Variants in RALGAPA1 observed in about 807,000 individuals in gnomAD.
RALGAPA1 encodes Ral GTPase activating protein catalytic subunit alpha 1, also known as ral GTPase-activating protein subunit alpha-1.
A neutral mutation model predicts 269.6 loss-of-function variants in RALGAPA1; 52 were observed. The observed-to-expected ratio is 0.19, with a 90% confidence interval of 0.15 to 0.24. The LOEUF is 0.24. Ranked by LOEUF, RALGAPA1 falls within the 10% of genes least tolerant of loss-of-function variation. RALGAPA1 has a pLI of 1.00. For missense variants in RALGAPA1, 1,917 were observed against 3,013.9 expected (o/e 0.64, Z 8.52); for synonymous variants, 817 against 1,008.3 (o/e 0.81, Z 3.60).
chr14:35,625,150 C>CAAAAA (rs35013388), intron 35 of RALGAPA1, among the ~76,000 whole-genome samples: 9 of 59,880 alleles, frequency 1.5e-4, no homozygotes, highest in East Asian at 4.3e-4. Flanking sequence ...GACTCTGTCT[C>CAAAAA]AAAAAAAAAA....
intron 15 of RALGAPA1, among the ~76,000 whole-genome samples, chr14:35,722,187 T>A (rs925344766): frequency 3.3e-5 from 5 of 152,170 alleles, no homozygotes; most frequent in African/African-American, 1.2e-4. Context: ...GATTACTAAA[T>A]CTCTAATCTG....
chr14:35,694,292 C>A (rs974128825), intron 17 of RALGAPA1, among the ~76,000 whole-genome samples: 3 of 152,010 alleles, frequency 2.0e-5, no homozygotes, highest in African/African-American at 7.2e-5. Context: ...TTTTTATGGT[C>A]CCTAAATTCA....
At chr14:35,752,673 C>T (rs1237941803) in intron 7 of RALGAPA1, among the ~76,000 whole-genome samples, 3 of 151,936 alleles carry the variant, frequency 2.0e-5, no homozygotes, top group Non-Finnish European at 4.4e-5. Context: ...GAAAGAGATA[C>T]AGCAGTATAA....
chr14:35,753,565 C>T (rs2072918080), intron 7 of RALGAPA1, among the ~76,000 whole-genome samples: 1 of 152,034 alleles, frequency 6.6e-6, no homozygotes, highest in Non-Finnish European at 1.5e-5. Context: ...AAAACATTTG[C>T]TAAGTAAAAG....
chr14:35,748,415 T>C (rs2072340527), intron 10 of RALGAPA1, 170 bp downstream of exon 10: 3 of 554,052 alleles, frequency 5.4e-6, no homozygotes, highest in South Asian at 6.4e-5. Context: ...GGTCTCTCCA[T>C]GTTGTCCAAA....
At chr14:35,714,715 C>T (rs2068656508) in intron 16 of RALGAPA1, among the ~76,000 whole-genome samples, 1 of 152,144 alleles carries the variant, frequency 6.6e-6, no homozygotes, top group Non-Finnish European at 1.5e-5. Flanking sequence ...GATCATTTAT[C>T]CTTCTTGCAT....
chr14:35,647,942 C>T (rs939251137), intron 31 of RALGAPA1, among the ~76,000 whole-genome samples: 3 of 149,642 alleles, frequency 2.0e-5, no homozygotes, highest in South Asian at 4.2e-4. Context: ...AGCGAAACTC[C>T]GTCTCTAAAT....
chr14:35,543,023 A>C lies in RALGAPA1; in HGVS notation c.*24-3333T>G, dbSNP rs766584962. Among the ~76,000 whole-genome samples, 261 of 152,206 alleles carry C rather than the reference A, an allele frequency of 1.7e-3. 3 individuals are homozygous for C. Among genetic ancestry groups the C allele is most frequent in the Non-Finnish European group, 2.6e-3 (178 of 68,024 alleles). Reference sequence around the variant, plus strand: ...ATTATTGGGCAGATATAGCCCTATAAAATATTATATCTTTAAAAGCAATTT... The same window carrying C: ...ATTATTGGGCAGATATAGCCCTATACAATATTATATCTTTAAAAGCAATTT... On this transcript the variant is annotated intron_variant, in intron 41 of 41. Transcript: ENST00000680220.
At chr14:35,785,489 A>T (rs893892540) in intron 1 of RALGAPA1, among the ~76,000 whole-genome samples, 15 of 152,336 alleles carry the variant, frequency 9.8e-5, no homozygotes, top group Non-Finnish European at 1.8e-4. Flanking sequence ...GGAAAATCCT[A>T]TTATACTGGG....
At chr14:35,766,154 T>A (rs1012477577) in intron 4 of RALGAPA1, 23 of 907,406 alleles carry the variant, frequency 2.5e-5, no homozygotes, top group Non-Finnish European at 4.3e-5. Flanking sequence ...GTGGGCTTGT[T>A]GGTTTCAAAC....
At chr14:35,684,182 G>C (rs2065718402) in intron 20 of RALGAPA1, among the ~76,000 whole-genome samples, 197 bp from the exon 21 acceptor site, 1 of 152,194 alleles carries the variant, frequency 6.6e-6, no homozygotes, top group Non-Finnish European at 1.5e-5. Context: ...GCCATGAAGG[G>C]AGGAAACATG....
intron 4 of RALGAPA1, among the ~76,000 whole-genome samples, chr14:35,769,156 G>T (rs1219668667): frequency 2.0e-5 from 3 of 147,510 alleles, no homozygotes; most frequent in African/African-American, 5.0e-5. Flanking sequence ...TCAAAAGTTT[G>T]TTCTTTGAAA....
At chr14:35,577,517 C>G (rs967218790) in intron 37 of RALGAPA1, among the ~76,000 whole-genome samples, 1 of 152,172 alleles carries the variant, frequency 6.6e-6, no homozygotes, top group Non-Finnish European at 1.5e-5. Flanking sequence ...GCATCTTGAT[C>G]TTAGATTTCT....
Position 35,771,255 on chromosome 14 carries a change from G to T in RALGAPA1, c.268-256C>A, listed in dbSNP as rs1463137054. Among the ~76,000 whole-genome samples, 3 of 152,008 alleles carry T rather than the reference G, an allele frequency of 2.0e-5. No individual in the cohort carries two copies. The East Asian group carries it at 5.8e-4, about 29-fold the overall frequency. ...CTAAAAATACAAAAATTAGCCAAGT[G>T]TGGTGGCAGGCGCTTGTAATCCCAG... On this transcript the variant is annotated intron_variant, in intron 3 of 41. Transcript: ENST00000680220.
chr14:35,709,861 T>C (rs551877998), intron 16 of RALGAPA1, among the ~76,000 whole-genome samples: 55 of 152,328 alleles, frequency 3.6e-4, no homozygotes, highest in Non-Finnish European at 1.2e-4. Context: ...ATTTTTTCCA[T>C]CGATTTATAG....
chr14:35,723,156 C>T lies in RALGAPA1; in HGVS notation c.1975G>A (p.Ala659Thr). The change falls in exon 15 of 42, where the codon GCC becomes ACC. Residue 659 changes from alanine to threonine, a missense_variant. Coordinates refer to ENST00000680220, the MANE Select transcript of RALGAPA1 (RefSeq NM_001346249.2). ...LSSLTYWEELATEWSLTMETL... is the reference protein window; with the variant it reads ...LSSLTYWEELTTEWSLTMETL... ...TCCATAGTCAGTGACCACTCAGTGG[C>T]CAACTCTTCCCAATAGGTCAGCGAT... The T allele has an allele frequency of 1.9e-6, 3 of 1,610,620 alleles. No homozygotes were observed. Among genetic ancestry groups the T allele is most frequent in the Non-Finnish European group, 2.5e-6 (3 of 1,176,948 alleles).
At chr14:35,744,861 G>C (rs1336431555) in intron 10 of RALGAPA1, among the ~76,000 whole-genome samples, 2 of 152,112 alleles carry the variant, frequency 1.3e-5, no homozygotes, top group African/African-American at 4.8e-5. Context: ...TAGTTAAAAT[G>C]ATCCCAAAGA....
chr14:35,599,769 TAAAC>T (rs543917056), intron 36 of RALGAPA1, among the ~76,000 whole-genome samples: 181 of 152,102 alleles, frequency 1.2e-3, no homozygotes, highest in Middle Eastern at 3.4e-3. Flanking sequence ...ACAGACAAAA[TAAAC>T]AAACAAAAAA....
intron 7 of RALGAPA1, 39 bp from the exon 8 acceptor site, chr14:35,752,201 A>C: frequency 6.8e-7 from 1 of 1,460,384 alleles, no homozygotes; most frequent in South Asian, 1.4e-5. Flanking sequence ...TTCCAGAAGA[A>C]AGAATCTCTT....
Sources: allele counts gnomAD v4.1 joint callset (sites outside exome capture counted in the v4.1 genomes callset), GRCh38; gene constraint gnomAD v4.1.1; transcripts MANE v1.5; gene names NCBI Gene and HGNC (gene_info 2026-07-23, HGNC 2026-07-21).